Variants in CSMD1 observed in about 807,000 individuals in gnomAD.
The protein encoded by CSMD1 is CUB and sushi domain-containing protein 1.
A neutral mutation model predicts 417.5 loss-of-function variants in CSMD1; 213 were observed. The observed-to-expected ratio is 0.51, with a 90% CI of 0.46 to 0.57. The LOEUF is 0.57. Among genes scored for constraint, CSMD1 ranks in the 20% least tolerant of loss-of-function variants. The pLI is 0.00. For synonymous variants in CSMD1, 2,862 were observed against 1,736.8 expected (o/e 1.65, Z -16.11); for missense variants, 6,923 against 4,529.7 (o/e 1.53, Z -15.17).
At chr8:4,479,423 G>GAAAAC (rs553377530) in intron 2 of CSMD1, among the ~76,000 whole-genome samples, 2 of 150,724 alleles carry the variant, frequency 1.3e-5, no homozygotes, top group African/African-American at 4.9e-5. Flanking sequence ...TAAGAAACCA[G>GAAAAC]AAAACAAAAC....
intron 3 of CSMD1, among the ~76,000 whole-genome samples, chr8:4,373,844 C>G (rs559410108): frequency 6.6e-6 from 1 of 152,126 alleles, no homozygotes; most frequent in African/African-American, 2.4e-5. Flanking sequence ...AGGAGCTTTT[C>G]TATGTATATG....
intron 7 of CSMD1, among the ~76,000 whole-genome samples, chr8:3,635,872 G>A (rs1165637920): frequency 6.8e-6 from 1 of 147,300 alleles, no homozygotes; most frequent in East Asian, 2.0e-4. Flanking sequence ...CTCTACATTT[G>A]TAACACAAAA....
At chr8:3,428,955 A>T (rs1398495552) in intron 12 of CSMD1, among the ~76,000 whole-genome samples, 1 of 152,216 alleles carries the variant, frequency 6.6e-6, no homozygotes, top group Non-Finnish European at 1.5e-5. Flanking sequence ...CAAGCACATC[A>T]TCATCTCACT....
At chr8:4,025,031 T>A (rs567103062) in intron 4 of CSMD1, among the ~76,000 whole-genome samples, 2 of 152,272 alleles carry the variant, frequency 1.3e-5, no homozygotes, top group Admixed American at 6.5e-5. Flanking sequence ...ATAGGTAGAA[T>A]TAGGCAGCCG....
At chr8:4,224,769 C>T (rs1195437965) in intron 3 of CSMD1, among the ~76,000 whole-genome samples, 1 of 152,148 alleles carries the variant, frequency 6.6e-6, no homozygotes, top group African/African-American at 2.4e-5. Flanking sequence ...ACCTGTAGTA[C>T]TCAAAACTCT....
chr8:3,553,471 T>A (rs1002556988), intron 10 of CSMD1, among the ~76,000 whole-genome samples: 1 of 152,164 alleles, frequency 6.6e-6, no homozygotes, highest in African/African-American at 2.4e-5. Context: ...TGAAAAAAAT[T>A]TGAAGAAGAT....
chr8:3,858,680 T>A (rs1345447133), intron 5 of CSMD1, among the ~76,000 whole-genome samples: 2 of 152,194 alleles, frequency 1.3e-5, no homozygotes. Flanking sequence ...GAACTTTTTT[T>A]TTTTCTGTTC....
chr8:3,126,024 T>G (rs886159412), intron 41 of CSMD1, among the ~76,000 whole-genome samples: 1 of 152,052 alleles, frequency 6.6e-6, no homozygotes, highest in Non-Finnish European at 1.5e-5. Context: ...CATGAAGAAA[T>G]CTACCTCGGC....
chr8:3,523,390 A>C (rs144366279), intron 10 of CSMD1, among the ~76,000 whole-genome samples: 3 of 152,348 alleles, frequency 2.0e-5, no homozygotes, highest in African/African-American at 7.2e-5. Context: ...GGGACAAAGA[A>C]AGCTCTCAAT....
At chr8:3,265,118 T>C (rs1020783359) in intron 26 of CSMD1, among the ~76,000 whole-genome samples, 5 of 152,166 alleles carry the variant, frequency 3.3e-5, no homozygotes, top group African/African-American at 9.7e-5. Context: ...ATGTTAAGGA[T>C]TGTCACTATT....
At chr8:3,321,918 G>C (rs1020190071) in intron 23 of CSMD1, among the ~76,000 whole-genome samples, 3 of 152,178 alleles carry the variant, frequency 2.0e-5, no homozygotes, top group African/African-American at 7.2e-5. Flanking sequence ...GGGAATTTCA[G>C]AATGGATTCA....
chr8:4,384,500 T>C (rs1262036831), intron 3 of CSMD1, among the ~76,000 whole-genome samples: 1 of 152,242 alleles, frequency 6.6e-6, no homozygotes, highest in Non-Finnish European at 1.5e-5. Context: ...GTTGATCAAA[T>C]AGTTGATACT....
In CSMD1 at chr8:4,874,837, TTA is replaced by T. The variant is rs971615335; in HGVS notation, c.85+119493_85+119494del. On this transcript the variant is annotated intron_variant, in intron 1 of 69. Transcript: ENST00000635120. ...ATTTACACACACACTTAATTCTGGT[TTA>T]TATATATATAATATTAAATATAGTA... Among the ~76,000 whole-genome samples the T allele has an allele frequency of 2.1e-3, 309 of 149,242 alleles. 2 individuals are homozygous for T. The highest frequency in any genetic ancestry group is 3.4e-3 in the Non-Finnish European group (228 of 67,446).
At chr8:3,155,521 C>G (rs1430327418) in intron 39 of CSMD1, among the ~76,000 whole-genome samples, 1 of 151,402 alleles carries the variant, frequency 6.6e-6, no homozygotes, top group Non-Finnish European at 1.5e-5. Context: ...ATGGTCGCCA[C>G]CACGCCCAGC....
intron 26 of CSMD1, among the ~76,000 whole-genome samples, chr8:3,280,470 TA>T (rs1802647365): frequency 6.6e-6 from 1 of 152,302 alleles, no homozygotes; most frequent in South Asian, 2.1e-4. Flanking sequence ...AATAAACTTC[TA>T]AAGACAATCT....
At chr8:4,306,873 A>C (rs73502697) in intron 3 of CSMD1, among the ~76,000 whole-genome samples, 8,674 of 152,056 alleles carry the variant, frequency 0.057, 616 homozygotes, top group African/African-American at 0.17. Flanking sequence ...CTTTTTGCAA[A>C]ATCTGCAGTT....
intron 3 of CSMD1, among the ~76,000 whole-genome samples, chr8:4,320,267 A>G (rs1175862327): frequency 6.6e-6 from 1 of 152,198 alleles, no homozygotes; most frequent in Non-Finnish European, 1.5e-5. Flanking sequence ...GACCCACAAC[A>G]AGTAGGAAAA....
chr8:4,239,365 G>A (rs960806695), intron 3 of CSMD1, among the ~76,000 whole-genome samples: 2 of 152,184 alleles, frequency 1.3e-5, no homozygotes, highest in Non-Finnish European at 2.9e-5. Context: ...TGCCAATGAA[G>A]CTGTTTTCTC....
At chr8:4,666,885 T>C (rs1004063865) in intron 1 of CSMD1, among the ~76,000 whole-genome samples, 1 of 152,194 alleles carries the variant, frequency 6.6e-6, no homozygotes, top group South Asian at 2.1e-4. Flanking sequence ...CCTATTTTAG[T>C]GCTCCTGCTT....
Sources: gnomAD v4.1 joint callset for allele counts (sites outside exome capture counted in the v4.1 genomes callset) on GRCh38, gnomAD v4.1.1 for gene constraint, MANE v1.5 for transcripts, NCBI Gene and HGNC (gene_info 2026-07-23, HGNC 2026-07-21) for gene names.